The following DGKD variants were observed in gnomAD, a reference collection of about 807,000 sequenced individuals.
DGKD encodes the protein diacylglycerol kinase delta.
In DGKD, 68 loss-of-function variants were observed where a neutral mutation model predicts 154.4. That is an observed-to-expected ratio of 0.44 (90% CI 0.36 to 0.54). The LOEUF is 0.54. Ranked by LOEUF, DGKD falls within the 20% of genes least tolerant of loss-of-function variation. The pLI is 0.00. For missense variants in DGKD, 1,343 were observed against 1,593.6 expected (o/e 0.84, Z 2.68); for synonymous variants, 693 against 638.0 (o/e 1.09, Z -1.30).
intron 10 of DGKD, 189 bp downstream of exon 10, chr2:233,442,184 G>A: frequency 1.4e-6 from 1 of 697,648 alleles, no homozygotes; most frequent in South Asian, 1.5e-5. Context: ...CCCTGGCATT[G>A]TGGAGGCCCG....
chr2:233,457,141 T>A lies in DGKD; in HGVS notation c.2473-80T>A. On this transcript the variant is annotated intron_variant, in intron 20 of 29. Coordinates refer to ENST00000264057, the MANE Select transcript of DGKD (RefSeq NM_152879.3). This position sits in a 1 kb window ranked among gnomAD's most constrained non-coding sequence, Gnocchi z 5.5. ...GGCCACGGCTGTGCTCCTGAGCCCC[T>A]GGCGGTGGGAAGCTGGTAGAGAAGG... 7.4e-7 allele frequency: 1 copy of A among 1,344,256 alleles called. No individual in the cohort carries two copies. Among genetic ancestry groups the A allele is most frequent in the Non-Finnish European group, 1.0e-6 (1 of 967,912 alleles). The allele number at this position is 1,344,256 out of a possible 1,614,324, so 83.3% of individuals were successfully genotyped here.
intron 26 of DGKD, among the ~76,000 whole-genome samples, chr2:233,463,298 A>T (rs1273745602): frequency 5.1e-4 from 62 of 120,458 alleles, no homozygotes; most frequent in Middle Eastern, 5.8e-3. Flanking sequence ...TGCACGCATC[A>T]CCTCACTCCA....
At chr2:233,454,335 T>C (rs772236735) in intron 18 of DGKD, 3 of 464,052 alleles carry the variant, frequency 6.5e-6, no homozygotes, top group Middle Eastern at 3.3e-4. Context: ...GGATGAACTT[T>C]GAAAACATCG....
At chr2:233,464,400 C>A in intron 27 of DGKD, 117 bp downstream of exon 27, 1 of 1,345,934 alleles carries the variant, frequency 7.4e-7, no homozygotes, top group Non-Finnish European at 1.0e-6. Context: ...GCTCCGGCAG[C>A]CCCTGAGGGG....
Position 233,436,352 on chromosome 2 carries a change from C to A in DGKD, c.730C>A (p.Pro244Thr). The part of the protein sequence containing the change: ...MPHQWLEGNL[P>T]VSAKCTVCDK... ...CCACCAGTGGTTGGAAGGAAACCTA[C>A]CTGTGAGCGCCAAGTGCACTGTGTG... The change falls in exon 7 of 30, where the codon CCT (proline) becomes ACT (threonine). Residue 244 changes from proline to threonine, a missense_variant. This residue lies in a region of DGKD where 332 missense variants were observed against 400.1 expected (regional missense o/e 0.83). Transcript: ENST00000264057. 6.2e-7 allele frequency: 1 copy of A among 1,614,252 alleles called. No individual in the cohort carries two copies. The highest frequency in any genetic ancestry group is 8.5e-7 in the Non-Finnish European group (1 of 1,180,052).
intron 9 of DGKD, among the ~76,000 whole-genome samples, chr2:233,439,781 A>G (rs2062828670): frequency 6.6e-6 from 1 of 151,994 alleles, no homozygotes; most frequent in African/African-American, 2.4e-5. Flanking sequence ...AATGTTTTGT[A>G]GAGTGGTCTC....
At chr2:233,396,092 A>G (rs537006861) in intron 3 of DGKD, among the ~76,000 whole-genome samples, 1 of 152,320 alleles carries the variant, frequency 6.6e-6, no homozygotes, top group African/African-American at 2.4e-5. Flanking sequence ...GTGAGCTCCG[A>G]GAACATAGTA....
At position 233,446,708 on chromosome 2, in the gene DGKD, G is replaced by T; in HGVS notation, c.1335-4G>T. The T allele has an allele frequency of 6.2e-7, 1 of 1,613,516 alleles. No homozygotes were observed. Among genetic ancestry groups the T allele is most frequent in the South Asian group, 1.1e-5 (1 of 91,078 alleles). ...CGCCTGTGCAGCTGACCTTGTGTGT[G>T]CAGGTGGAGCGTCATGGCATACGAG... On this transcript the variant is annotated splice_polypyrimidine_tract_variant and splice_region_variant and intron_variant, in intron 11 of 29. Coordinates refer to ENST00000264057, the MANE Select transcript of DGKD (RefSeq NM_152879.3).
chr2:233,434,245 G>T, intron 3 of DGKD, 135 bp from the exon 4 acceptor site: 2 of 629,778 alleles, frequency 3.2e-6, no homozygotes, highest in Non-Finnish European at 5.5e-6. Context: ...AACCATTTTT[G>T]TTTTCGGTTC....
intron 3 of DGKD, among the ~76,000 whole-genome samples, chr2:233,401,260 A>G (rs2061551650): frequency 6.6e-6 from 1 of 152,128 alleles, no homozygotes; most frequent in East Asian, 1.9e-4. Flanking sequence ...TAGGCATGAT[A>G]TATGTGTTTG....
chr2:233,375,307 GAAAA>G (rs769982979), intron 1 of DGKD, among the ~76,000 whole-genome samples: 14 of 151,430 alleles, frequency 9.2e-5, no homozygotes, highest in Non-Finnish European at 1.8e-4. Flanking sequence ...GGAAAAAAAA[GAAAA>G]AAAAGAAAGA....
At chr2:233,428,383 G>A (rs895894097) in intron 3 of DGKD, among the ~76,000 whole-genome samples, 3 of 152,188 alleles carry the variant, frequency 2.0e-5, no homozygotes, top group African/African-American at 7.2e-5. Context: ...TGTGGTTTGG[G>A]AGAGTGGACC....
intron 3 of DGKD, among the ~76,000 whole-genome samples, chr2:233,431,603 C>T (rs1209834608): frequency 2.6e-5 from 4 of 152,252 alleles, no homozygotes; most frequent in East Asian, 1.9e-4. Flanking sequence ...ACCCAAACGG[C>T]GTGGTACTGG....
In DGKD at chr2:233,438,978, G is replaced by A. The variant is rs1308215163; in HGVS notation, c.1085+599G>A. On this transcript the variant is annotated intron_variant, in intron 9 of 29. Transcript: ENST00000264057. This position sits in a 1 kb window ranked among gnomAD's most constrained non-coding sequence, Gnocchi z 4.1. ...CAGGAACACGTAAGGGCGGCGTTGG[G>A]CCAGAGCGATTTCCACTGTGCATCA... is the stretch of plus-strand genomic sequence containing the variant. Among the ~76,000 whole-genome samples the A allele has an allele frequency of 1.3e-5, 2 of 152,252 alleles. No homozygotes were observed. Among genetic ancestry groups the A allele is most frequent in the Non-Finnish European group, 2.9e-5 (2 of 68,044 alleles).
rs1416410514 is a variant in DGKD at position 233,459,586 on chromosome 2, C to G, written c.2695-171C>G. Among the ~76,000 whole-genome samples the G allele has an allele frequency of 1.3e-5, 2 of 152,156 alleles. No homozygotes were observed. Among genetic ancestry groups the G allele is most frequent in the Non-Finnish European group, 2.9e-5 (2 of 68,022 alleles). ...AGAACAGACCCTCGGTTGAGTGACA[C>G]AACAGCAGAAGGCTAGCTGCAGGCG... On this transcript the variant is annotated intron_variant, in intron 22 of 29. Coordinates refer to ENST00000264057, the MANE Select transcript of DGKD (RefSeq NM_152879.3). This position sits in a 1 kb window ranked among gnomAD's most constrained non-coding sequence, Gnocchi z 5.7.
chr2:233,356,257 T>C (rs1430122848), intron 1 of DGKD, among the ~76,000 whole-genome samples: 1 of 152,140 alleles, frequency 6.6e-6, no homozygotes, highest in Non-Finnish European at 1.5e-5. Context: ...GGGCCAGAGG[T>C]GGATCACGTT....
At chr2:233,390,605 C>A in intron 3 of DGKD, 122 bp downstream of exon 3, 1 of 705,280 alleles carries the variant, frequency 1.4e-6, no homozygotes, top group South Asian at 2.0e-5. Context: ...GGAATGATTG[C>A]TGGTAAAATT....
At chr2:233,447,681 G>A (rs2063129685) in intron 12 of DGKD, 1 of 1,064,962 alleles carries the variant, frequency 9.4e-7, no homozygotes, top group Non-Finnish European at 1.1e-6. Context: ...GATGGTGGGG[G>A]CAGGAGTGTG....
rs995481582 is a variant in DGKD at position 233,452,886 on chromosome 2, C to T, written c.2264+826C>T. Among the ~76,000 whole-genome samples, 1 of 152,112 alleles carries T rather than the reference C, an allele frequency of 6.6e-6. No individual in the cohort carries two copies. Among genetic ancestry groups the T allele is most frequent in the East Asian group, 1.9e-4 (1 of 5,194 alleles). On this transcript the variant is annotated intron_variant, in intron 18 of 29. Transcript: ENST00000264057. This position sits in a 1 kb window ranked among gnomAD's most constrained non-coding sequence, Gnocchi z 4.0. The stretch of plus-strand genomic sequence containing the variant: ...ACGGACAGTGACAGGAAGAAATGTG[C>T]GGTTCACAGAGGCTCTGGGTTTGGG...
Sources: gnomAD v4.1 joint callset for allele counts (sites outside exome capture counted in the v4.1 genomes callset) on GRCh38, gnomAD v4.1.1 for gene constraint, gnomAD v4.1.1 regional missense constraint, Gnocchi (gnomAD v3.1) non-coding constraint, MANE v1.5 for transcripts, NCBI Gene and HGNC (gene_info 2026-07-23, HGNC 2026-07-21) for gene names.